Variants in ZNF160 observed in about 807,000 individuals in gnomAD.
The protein encoded by ZNF160 is zinc finger protein 160.
ZNF160 carries 9 observed loss-of-function variants against 13.1 expected under a neutral mutation model. The observed-to-expected ratio is 0.69, with a 90% CI of 0.41 to 1.20. The LOEUF (loss-of-function observed/expected upper bound fraction) is 1.20. ZNF160 is among the 50% of genes most tolerant of loss of function. The pLI, the probability that ZNF160 is intolerant of heterozygous loss-of-function variation, is 0.01. For missense variants in ZNF160, 838 were observed against 988.0 expected, an observed-to-expected ratio of 0.85 and a Z score of 2.04; for synonymous variants, 293 against 333.2, an observed-to-expected ratio of 0.88 and a Z score of 1.31.
Position 53,073,419 on chromosome 19 carries a change from G to A in ZNF160, c.271+721C>T, listed in dbSNP as rs146926818. ...ATGGAAGAAATGGCCGAGGGACCTC[G>A]ACAGGCGGAGACGGCTGGAGACTCT... On this transcript the variant is annotated intron_variant, in intron 5 of 5. Transcript: ENST00000683776. 2.3e-4 allele frequency: 369 copies of A among 1,598,424 alleles called. 1 individual carries two copies. In the African/African-American group the frequency reaches 2.4e-3, roughly 11 times the overall value.
chr19:53,078,195 G>A (rs1254062985), intron 3 of ZNF160, among the ~76,000 whole-genome samples: 9 of 150,808 alleles, frequency 6.0e-5, no homozygotes, highest in African/African-American at 9.8e-5. Flanking sequence ...AGCTGAGATC[G>A]CACCACTGCA....
At chr19:53,072,055 T>G (rs76757527) in intron 5 of ZNF160, among the ~76,000 whole-genome samples, 9 of 152,076 alleles carry the variant, frequency 5.9e-5, no homozygotes, top group African/African-American at 2.2e-4. Context: ...ACAGAGCAGA[T>G]AATTTTGCAG....
intron 3 of ZNF160, among the ~76,000 whole-genome samples, chr19:53,084,091 C>G (rs913393082): frequency 6.6e-6 from 1 of 151,976 alleles, no homozygotes; most frequent in African/African-American, 2.4e-5. Context: ...CAGGAGGTTA[C>G]CTCGAGAAAC....
At chr19:53,102,734 G>A (rs1038619594) in intron 1 of ZNF160, among the ~76,000 whole-genome samples, 2 of 152,138 alleles carry the variant, frequency 1.3e-5, no homozygotes, top group South Asian at 2.1e-4. Flanking sequence ...ATTCACTGGA[G>A]GGTTTGTAGT....
Position 53,069,853 on chromosome 19 carries a change from G to C in ZNF160, c.681C>G (p.Val227=), listed in dbSNP as rs1016442860. The stretch of plus-strand genomic sequence containing the variant: ...GATATTTTTTAGACCTGTGGGTTTG[G>C]ACACTAGAAGGAATTTGTTGAAGTG... ...VSPLQQIPSS[V]QTHRSKKYHE... The change falls in exon 6 of 6, where the codon GTC becomes GTG. Residue 227 remains valine, a synonymous_variant. Transcript: ENST00000683776. The surrounding 1 kb of genome is among the most constrained non-coding windows in gnomAD (Gnocchi z 4.4). 5.4e-5 allele frequency: 87 copies of C among 1,613,986 alleles called. No homozygotes were observed. Among genetic ancestry groups the C allele is most frequent in the Non-Finnish European group, 6.9e-5 (82 of 1,180,032 alleles).
Position 53,075,138 on chromosome 19 carries a change from C to T in ZNF160, c.61G>A (p.Glu21Lys). ...RDVAIEFSQE[E>K]WKCLDPAQRI... ...TGAGCAGGGTCCAGGCATTTCCACT[C>T]CTCCTGAGAGAATTCTATGGCCACA... Residue 21 changes from glutamate (E) to lysine (K), a missense_variant, in exon 4 of 6, where the codon GAG becomes AAG. Glu to Lys is a moderately conservative substitution (Grantham distance 56). Coordinates refer to ENST00000683776, the MANE Select transcript of ZNF160 (RefSeq NM_001322131.2). The T allele has an allele frequency of 6.2e-7, 1 of 1,614,204 alleles. No individual in the cohort carries two copies. The highest frequency in any genetic ancestry group is 8.5e-7 in the Non-Finnish European group (1 of 1,180,034).
intron 2 of ZNF160, among the ~76,000 whole-genome samples, chr19:53,088,778 C>T (rs868346519): frequency 5.9e-5 from 9 of 152,196 alleles, no homozygotes; most frequent in Middle Eastern, 6.8e-3. Context: ...GTGTCATTGT[C>T]CCCACAATGA....
chr19:53,081,143 T>C (rs968250360), intron 3 of ZNF160, among the ~76,000 whole-genome samples: 3 of 152,144 alleles, frequency 2.0e-5, no homozygotes, highest in Non-Finnish European at 4.4e-5. Flanking sequence ...GAAATACTCT[T>C]CTAAGACTTT....
chr19:53,102,989 C>A (rs1248162037), intron 1 of ZNF160, among the ~76,000 whole-genome samples: 1 of 152,118 alleles, frequency 6.6e-6, no homozygotes, highest in African/African-American at 2.4e-5. Context: ...GGCGCGGCCT[C>A]CCCGGGACTG....
chr19:53,084,198 C>G (rs768459591), intron 3 of ZNF160, among the ~76,000 whole-genome samples: 1 of 152,162 alleles, frequency 6.6e-6, no homozygotes, highest in Non-Finnish European at 1.5e-5. Context: ...ACGAAGGCAC[C>G]AGTGGCTGCC....
intron 1 of ZNF160, among the ~76,000 whole-genome samples, chr19:53,099,664 TC>T (rs1376005586): frequency 6.6e-6 from 1 of 152,148 alleles, no homozygotes; most frequent in African/African-American, 2.4e-5. Flanking sequence ...AAGGACTGAG[TC>T]CCATTTAAAT....
Position 53,068,727 on chromosome 19 carries a change from T to G in ZNF160, c.1807A>C (p.Ser603Arg). Residue 603 changes from serine (S) to arginine (R), a missense_variant, in exon 6 of 6, where the codon AGT (serine) becomes CGT (arginine). Ser to Arg is a moderately radical substitution (Grantham distance 110). Coordinates refer to ENST00000683776, the MANE Select transcript of ZNF160 (RefSeq NM_001322131.2). ...TGAAAAGTTAGGCTTGAACGATCAC[T>G]AAAGGCTCTGCCACAGTCATTACAC... is the stretch of plus-strand genomic sequence containing the variant. ...YKCNDCGRAF[S>R]DRSSLTFHQA... 6.2e-7 allele frequency: 1 copy of G among 1,614,228 alleles called. No individual in the cohort carries two copies. The highest frequency in any genetic ancestry group is 8.5e-7 in the Non-Finnish European group (1 of 1,180,036).
At chr19:53,102,877 A>T (rs894715501) in intron 1 of ZNF160, among the ~76,000 whole-genome samples, 2 of 151,824 alleles carry the variant, frequency 1.3e-5, no homozygotes, top group African/African-American at 4.8e-5. Context: ...TGCGAAGGGG[A>T]GGCCTGGGGA....
chr19:53,099,902 G>A lies in ZNF160; in HGVS notation c.-354+3363C>T, dbSNP rs187414703. 1.2e-3 allele frequency among the ~76,000 whole-genome samples: 187 copies of A among 152,300 alleles called. 1 individual carries two copies. The highest frequency in any genetic ancestry group is 4.4e-3 in the African/African-American group (181 of 41,564). On this transcript the variant is annotated intron_variant, in intron 1 of 5. Coordinates refer to ENST00000683776, the MANE Select transcript of ZNF160 (RefSeq NM_001322131.2). ...ATGTATCTGACTCTATGACGGCCTC[G>A]AAGGGCTAATGGGCAACACTAGACT... is the stretch of plus-strand genomic sequence containing the variant.
rs763577358 is a variant in ZNF160, at chr19:53,069,203, C to T, written c.1331G>A (p.Arg444Gln). Residue 444 changes from arginine (R) to glutamine (Q), a missense_variant, in exon 6 of 6, where the codon CGG becomes CAG. This residue lies in a region of ZNF160 where 400 missense variants were observed against 538.9 expected (regional missense o/e 0.74). Coordinates refer to ENST00000683776, the MANE Select transcript of ZNF160 (RefSeq NM_001322131.2). The surrounding 1 kb of genome is among the most constrained non-coding windows in gnomAD (Gnocchi z 4.4). ...AGGTTTCTCACCAGTATGAACTCTCCGATGCCTTCCGAGGTATGAATTGTA... is the reference window on the plus strand; with the variant it reads ...AGGTTTCTCACCAGTATGAACTCTCTGATGCCTTCCGAGGTATGAATTGTA... ...FRYNSYLGRH[R>Q]RVHTGEKPYK... 2.9e-5 allele frequency: 46 copies of T among 1,613,738 alleles called. No homozygotes were observed. The highest frequency in any genetic ancestry group is 5.3e-5 in the African/African-American group (4 of 74,892).
At chr19:53,099,033 C>G (rs186366170) in intron 1 of ZNF160, among the ~76,000 whole-genome samples, 4 of 147,250 alleles carry the variant, frequency 2.7e-5, no homozygotes, top group Non-Finnish European at 5.9e-5. Context: ...CAGCCCGACC[C>G]CAGCCCCAGC....
intron 1 of ZNF160, among the ~76,000 whole-genome samples, chr19:53,102,843 C>T (rs2085496530): frequency 6.6e-6 from 1 of 152,148 alleles, no homozygotes; most frequent in Non-Finnish European, 1.5e-5. Flanking sequence ...ACCTCCCCAA[C>T]GAGGGCTCAA....
intron 2 of ZNF160, among the ~76,000 whole-genome samples, chr19:53,089,081 C>T (rs186386263): frequency 3.3e-5 from 5 of 152,104 alleles, no homozygotes; most frequent in Admixed American, 6.6e-5. Flanking sequence ...GGTGAATGAC[C>T]GTGGCAAATT....
chr19:53,096,101 C>T (rs1279850632), intron 1 of ZNF160, among the ~76,000 whole-genome samples: 2 of 152,144 alleles, frequency 1.3e-5, no homozygotes, highest in South Asian at 2.1e-4. Flanking sequence ...TGCCTGTAGT[C>T]CCAGCTACTC....
Sources: gnomAD v4.1 joint callset for allele counts (sites outside exome capture counted in the v4.1 genomes callset) on GRCh38, gnomAD v4.1.1 for gene constraint, gnomAD v4.1.1 regional missense constraint, Gnocchi (gnomAD v3.1) non-coding constraint, MANE v1.5 for transcripts, NCBI Gene and HGNC (gene_info 2026-07-23, HGNC 2026-07-21) for gene names.